Variants in NETO1 observed in about 807,000 individuals in gnomAD.
NETO1 encodes neuropilin and tolloid like 1.
Under a neutral mutation model 61.3 loss-of-function variants are expected in NETO1, and 26 were observed. The observed-to-expected ratio is 0.42, with a 90% CI of 0.31 to 0.59. The LOEUF (loss-of-function observed/expected upper bound fraction) is 0.59, where lower values mean the gene tolerates loss of function less well. Ranked by LOEUF, NETO1 falls within the 20% of genes least tolerant of loss-of-function variation. The pLI is 0.12. For missense variants in NETO1, 531 were observed against 662.8 expected (o/e 0.80, Z 2.18); for synonymous variants, 225 against 225.8 (o/e 1.00, Z 0.03).
At chr18:72,748,904 A>G (rs1346124809) in intron 10 of NETO1, 110 bp downstream of exon 10, 4 of 745,228 alleles carry the variant, frequency 5.4e-6, no homozygotes, top group Admixed American at 2.2e-5. Context: ...CATGAAACAC[A>G]TATCTCAAGA....
At chr18:72,817,534 C>A (rs1392791227) in intron 4 of NETO1, among the ~76,000 whole-genome samples, 1 of 152,150 alleles carries the variant, frequency 6.6e-6, no homozygotes, top group Non-Finnish European at 1.5e-5. Context: ...AGTAAAGATT[C>A]GGTACAAATA....
intron 4 of NETO1, among the ~76,000 whole-genome samples, chr18:72,852,989 C>A (rs995734490): frequency 3.3e-5 from 5 of 151,790 alleles, no homozygotes; most frequent in Non-Finnish European, 5.9e-5. Flanking sequence ...CCTGCCACCA[C>A]GCCCGACTAA....
chr18:72,771,087 A>C (rs1211987579), intron 7 of NETO1, among the ~76,000 whole-genome samples: 1 of 152,180 alleles, frequency 6.6e-6, no homozygotes, highest in Admixed American at 6.6e-5. Flanking sequence ...AGGATCCATT[A>C]AATTTAGTTA....
Position 72,783,669 on chromosome 18 carries a change from G to C in NETO1, c.868+9C>G, listed in dbSNP as rs760344610. On this transcript the variant is annotated intron_variant, in intron 7 of 10. Coordinates refer to ENST00000327305, the MANE Select transcript of NETO1 (RefSeq NM_138966.5). ...CGAAGGAAAAATAGTCAAGTGCAGAGAATCTTACGTTCTTGAAAGGATGTG... is the reference window on the plus strand; with the variant it reads ...CGAAGGAAAAATAGTCAAGTGCAGACAATCTTACGTTCTTGAAAGGATGTG... 11 of 1,611,988 alleles carry C rather than the reference G, an allele frequency of 6.8e-6. No individual in the cohort carries two copies. The South Asian group carries it at 1.1e-4, about 16-fold the overall frequency.
At chr18:72,742,415 T>C (rs1248600737), downstream of NETO1, 1 of 152,216 alleles carries the variant, frequency 6.6e-6, no homozygotes, top group Non-Finnish European at 1.5e-5. Flanking sequence ...ATGTCGATCA[T>C]AAAATGAAGT....
intron 8 of NETO1, among the ~76,000 whole-genome samples, chr18:72,755,751 T>C: frequency 6.6e-6 from 1 of 152,082 alleles, no homozygotes; most frequent in East Asian, 1.9e-4. Flanking sequence ...TGTGCTCCCC[T>C]GAAAGCTCCC....
At chr18:72,836,665 G>A (rs1164793207) in intron 4 of NETO1, among the ~76,000 whole-genome samples, 1 of 152,140 alleles carries the variant, frequency 6.6e-6, no homozygotes, top group Non-Finnish European at 1.5e-5. Flanking sequence ...CATGAATGGA[G>A]GACTTGTTTC....
chr18:72,787,029 GATTTAA>G (rs1340452972), intron 6 of NETO1, among the ~76,000 whole-genome samples: 5 of 148,750 alleles, frequency 3.4e-5, no homozygotes, highest in African/African-American at 1.2e-4. Flanking sequence ...TCCCACTCTG[GATTTAA>G]ATTTCTTTTC....
chr18:72,753,326 T>A (rs544115485), intron 8 of NETO1, among the ~76,000 whole-genome samples: 1 of 149,956 alleles, frequency 6.7e-6, no homozygotes, highest in African/African-American at 2.4e-5. Flanking sequence ...TTATCATCAG[T>A]GGAGGCCAGA....
Position 72,750,116 on chromosome 18 carries a change from T to C in NETO1, c.1487A>G (p.Glu496Gly), listed in dbSNP as rs2070542532. The C allele has an allele frequency of 6.2e-7, 1 of 1,612,178 alleles. No individual in the cohort carries two copies. Among genetic ancestry groups the C allele is most frequent in the Non-Finnish European group, 8.5e-7 (1 of 1,179,228 alleles). ...CCTGTGACTGGTGGTCGGCACCTCT[T>C]CGATTTCATCTATGTCACAGGCATC... ...AADACDIDEI[E>G]EVPTTSHRLS... The change falls in exon 9 of 11, where the codon GAA becomes GGA. Residue 496 changes from glutamate to glycine, a missense_variant. By Grantham distance (98) the Glu-to-Gly change is moderately conservative (BLOSUM62 -2). Transcript: ENST00000327305.
intron 4 of NETO1, among the ~76,000 whole-genome samples, chr18:72,823,127 ATTTG>A (rs946837362): frequency 9.9e-5 from 15 of 152,006 alleles, no homozygotes; most frequent in African/African-American, 3.6e-4. Flanking sequence ...TGTCCTTCCC[ATTTG>A]TTTGTTACTT....
At chr18:72,787,707 C>T (rs1399468141) in intron 6 of NETO1, among the ~76,000 whole-genome samples, 2 of 152,138 alleles carry the variant, frequency 1.3e-5, no homozygotes, top group Non-Finnish European at 2.9e-5. Flanking sequence ...AATTAAGTAA[C>T]TTTCTCAGAG....
intron 4 of NETO1, among the ~76,000 whole-genome samples, chr18:72,800,585 G>A (rs1428868509): frequency 6.6e-6 from 1 of 152,102 alleles, no homozygotes; most frequent in East Asian, 1.9e-4. Context: ...ATATTACTAT[G>A]TAATAATGAT....
In NETO1 at chr18:72,848,976, A is replaced by G. The variant is rs533446859; in HGVS notation, c.469+9850T>C. ...TTTCTTCATAGAATTTTTTTTCTAG[A>G]TAATCTCATCCTATTTTTGGATTCT... On this transcript the variant is annotated intron_variant, in intron 4 of 10. Coordinates refer to ENST00000327305, the MANE Select transcript of NETO1 (RefSeq NM_138966.5). Among the ~76,000 whole-genome samples the G allele has an allele frequency of 3.3e-5, 5 of 152,332 alleles. No homozygotes were observed. In the South Asian group the frequency reaches 6.2e-4, roughly 19 times the overall value.
At chr18:72,810,416 T>C (rs2145200333) in intron 4 of NETO1, among the ~76,000 whole-genome samples, 1 of 152,338 alleles carries the variant, frequency 6.6e-6, no homozygotes, top group Middle Eastern at 3.4e-3. Flanking sequence ...GAAGAATGAT[T>C]ATTCCTGGAC....
Position 72,847,704 on chromosome 18 carries a change from C to T in NETO1, c.469+11122G>A, listed in dbSNP as rs150602055. ...AATCTAAGTGTAGGAAAGTCCAGAA[C>T]GGAGAACTGTGTATCCTGCATTTGG... is the stretch of plus-strand genomic sequence containing the variant. On this transcript the variant is annotated intron_variant, in intron 4 of 10. Coordinates refer to ENST00000327305, the MANE Select transcript of NETO1 (RefSeq NM_138966.5). 1.4e-4 allele frequency among the ~76,000 whole-genome samples: 21 copies of T among 152,270 alleles called. 2 individuals carry two copies. In the South Asian group the frequency reaches 2.5e-3, roughly 18 times the overall value.
chr18:72,840,833 A>G (rs1303406707), intron 4 of NETO1, among the ~76,000 whole-genome samples: 4 of 152,232 alleles, frequency 2.6e-5, no homozygotes, highest in African/African-American at 9.6e-5. Context: ...ACAATAGTAC[A>G]GTAAAGAAAA....
chr18:72,801,951 G>A (rs1438194561), intron 4 of NETO1, among the ~76,000 whole-genome samples: 1 of 152,008 alleles, frequency 6.6e-6, no homozygotes, highest in Non-Finnish European at 1.5e-5. Context: ...GAAAAAAGAT[G>A]AACCTGACAT....
At chr18:72,824,256 T>A (rs773927952) in intron 4 of NETO1, among the ~76,000 whole-genome samples, 3 of 152,250 alleles carry the variant, frequency 2.0e-5, no homozygotes, top group Non-Finnish European at 4.4e-5. Context: ...ACTAAAGAAC[T>A]ACTACATTCA....
Sources: gnomAD v4.1 joint callset for allele counts (sites outside exome capture counted in the v4.1 genomes callset) on GRCh38, gnomAD v4.1.1 for gene constraint, MANE v1.5 for transcripts, NCBI Gene and HGNC (gene_info 2026-07-23, HGNC 2026-07-21) for gene names.